Variants in HCN4 observed in about 807,000 individuals in gnomAD.
The protein encoded by HCN4 is hyperpolarization activated cyclic nucleotide gated potassium channel 4, also known as potassium/sodium hyperpolarization-activated cyclic nucleotide-gated channel 4.
HCN4 carries 29 observed loss-of-function variants against 76.9 expected under a neutral mutation model. That is an observed-to-expected ratio of 0.38 (90% CI 0.28 to 0.51). The LOEUF is 0.51. Among genes scored for constraint, HCN4 ranks in the 20% least tolerant of loss-of-function variants. The probability of loss-of-function intolerance (pLI) is 0.90; values close to 1 mark genes in which losing one functional copy is unlikely to be tolerated. For synonymous variants in HCN4, 772 were observed against 762.5 expected, an observed-to-expected ratio of 1.01 and a Z score of -0.21; for missense variants, 1,416 against 1,715.2, an observed-to-expected ratio of 0.83 and a Z score of 3.08.
rs75049740 is a variant in HCN4 at position 73,331,980 on chromosome 15, G to A, written c.1371+151C>T. On this transcript the variant is annotated intron_variant, in intron 3 of 7. Coordinates refer to ENST00000261917, the MANE Select transcript of HCN4 (RefSeq NM_005477.3). Reference sequence around the variant, plus strand: ...GGACTGGCAGCAAGCGATTGGGCCTGTACTGGGTAGAGCTATGTGCCCCCT... The same window carrying A: ...GGACTGGCAGCAAGCGATTGGGCCTATACTGGGTAGAGCTATGTGCCCCCT... 5.3e-4 allele frequency: 397 copies of A among 750,238 alleles called. 1 individual carries two copies. The African/African-American group carries it at 6.1e-3, about 12-fold the overall frequency. 46.5% of individuals were successfully genotyped at this position (750,238 alleles called of 1,614,324 possible). A position where few individuals can be genotyped will look rare whatever the true frequency, so the allele number is the denominator to read the frequency against.
chr15:73,357,739 C>T (rs1008682716), intron 1 of HCN4, among the ~76,000 whole-genome samples: 6 of 152,052 alleles, frequency 3.9e-5, no homozygotes, highest in East Asian at 1.9e-4. Context: ...TATGACACAA[C>T]GTGCCAGGAA....
Position 73,343,574 on chromosome 15 carries a change from G to A in HCN4, c.1020C>T (p.Ser340=), listed in dbSNP as rs1435371753. Residue 340 remains serine, a synonymous_variant, in exon 2 of 8, where the codon AGC becomes AGT. Transcript: ENST00000261917. The surrounding 1 kb of genome is among the most constrained non-coding windows in gnomAD (Gnocchi z 5.7). ...PQRIKMKYLK[S]WFMVDFISSI... Reference sequence around the variant, plus strand: ...AGGAAATGAAATCTACCATGAACCAGCTTTTCAGGTACTTCATTTTAATCC... The same window carrying A: ...AGGAAATGAAATCTACCATGAACCAACTTTTCAGGTACTTCATTTTAATCC... 1 of 1,614,208 alleles carries A rather than the reference G, an allele frequency of 6.2e-7. No homozygotes were observed. Among genetic ancestry groups the A allele is most frequent in the Non-Finnish European group, 8.5e-7 (1 of 1,180,036 alleles).
chr15:73,335,289 G>C (rs1320606461), intron 2 of HCN4: 1 of 152,408 alleles, frequency 6.6e-6, no homozygotes, highest in Non-Finnish European at 1.5e-5. Flanking sequence ...CGTGGGGGCA[G>C]GACAGCAGCC....
Position 73,325,334 on chromosome 15 carries a change from C to G in HCN4, c.1701G>C (p.Glu567Asp). ...GCTCGCTTAGCTCGCCCAGGATGCT[C>G]TCCTCGTCGAACATCTTGCCCTGGT... is the stretch of plus-strand genomic sequence containing the variant. ...HRYQGKMFDE[E>D]SILGELSEPL... The change falls in exon 5 of 8, where the codon GAG becomes GAC. Residue 567 changes from glutamate to aspartate, a missense_variant. This residue lies in a region of HCN4 where 241 missense variants were observed against 379.4 expected (regional missense o/e 0.64). Transcript: ENST00000261917. The surrounding 1 kb of genome is among the most constrained non-coding windows in gnomAD (Gnocchi z 7.4). 6.2e-7 allele frequency: 1 copy of G among 1,614,134 alleles called. No individual in the cohort carries two copies. Among genetic ancestry groups the G allele is most frequent in the African/African-American group, 1.3e-5 (1 of 75,060 alleles).
At chr15:73,333,355 T>C (rs1169087249) in intron 2 of HCN4, among the ~76,000 whole-genome samples, 1 of 152,172 alleles carries the variant, frequency 6.6e-6, no homozygotes, top group East Asian at 1.9e-4. Flanking sequence ...CATCCCTCCA[T>C]ACTATTCCCA....
At chr15:73,336,858 C>G (rs2042969224) in intron 2 of HCN4, among the ~76,000 whole-genome samples, 1 of 152,204 alleles carries the variant, frequency 6.6e-6, no homozygotes. Context: ...CCATGTCACT[C>G]TCTTACCATA....
chr15:73,359,154 G>A (rs550648262), intron 1 of HCN4, among the ~76,000 whole-genome samples: 2 of 152,316 alleles, frequency 1.3e-5, no homozygotes, highest in South Asian at 2.1e-4. Context: ...CGCAGCTGCC[G>A]TGATCAGACC....
Position 73,329,327 on chromosome 15 carries a change from C to T in HCN4, c.1590+246G>A, listed in dbSNP as rs370211917. 3.7e-4 allele frequency among the ~76,000 whole-genome samples: 57 copies of T among 152,260 alleles called. 2 individuals carry two copies. The South Asian group carries it at 0.011, about 29-fold the overall frequency. ...GGGCCTCAGCCAGGAGCCACAGGCC[C>T]CAGTGACACTGGAGACGGGGAAGGT... On this transcript the variant is annotated intron_variant, in intron 4 of 7. Transcript: ENST00000261917.
chr15:73,325,400 G>A lies in HCN4; in HGVS notation c.1635C>T (p.Pro545=), dbSNP rs140015730. The change falls in exon 5 of 8, where the codon CCC becomes CCT. Residue 545 remains proline, a synonymous_variant. Coordinates refer to ENST00000261917, the MANE Select transcript of HCN4 (RefSeq NM_005477.3). This position sits in a 1 kb window ranked among gnomAD's most constrained non-coding sequence, Gnocchi z 7.4. ...AGTCGTGGATGCGCTGCCGGGTGTC[G>A]GGCGGGAGCTTGTGAAAGGACATGT... The part of the protein sequence containing the change: ...EQYMSFHKLP[P]DTRQRIHDYY... The A allele has an allele frequency of 4.2e-5, 67 of 1,614,136 alleles. 3 individuals carry two copies. In the Admixed American group the frequency reaches 5.7e-4, roughly 14 times the overall value.
intron 1 of HCN4, among the ~76,000 whole-genome samples, chr15:73,351,978 C>A (rs569256593): frequency 5.9e-5 from 9 of 152,286 alleles, no homozygotes; most frequent in African/African-American, 9.6e-5. Flanking sequence ...CCACCTACCC[C>A]CCTTGGTTCA....
chr15:73,323,720 C>A lies in HCN4; in HGVS notation c.2373G>T (p.Val791=), dbSNP rs778370486. ...PLQAAAATTS[V]AIALTHHPRL... Reference sequence around the variant, plus strand: ...GAGGGTGGTGGGTGAGGGCTATGGCCACAGAAGTGGTGGCAGCGGCAGCCT... The same window carrying A: ...GAGGGTGGTGGGTGAGGGCTATGGCAACAGAAGTGGTGGCAGCGGCAGCCT... Residue 791 remains valine (V), a synonymous_variant, in exon 8 of 8, where the codon GTG becomes GTT. Coordinates refer to ENST00000261917, the MANE Select transcript of HCN4 (RefSeq NM_005477.3). 6.2e-7 allele frequency: 1 copy of A among 1,601,948 alleles called. No individual in the cohort carries two copies. The highest frequency in any genetic ancestry group is 1.7e-5 in the Admixed American group (1 of 59,666).
rs914385748 is a variant in HCN4, at chr15:73,368,753, C to T, written c.-483G>A. On this transcript the variant is annotated 5_prime_UTR_variant, in exon 1 of 8. Transcript: ENST00000261917. The surrounding 1 kb of genome is among the most constrained non-coding windows in gnomAD (Gnocchi z 6.9). ...CCGCCCGGGCTTTGTGGCTGGCCAC[C>T]CGCGAGCTCGCCTCGCCTCCTCTGC... is the stretch of plus-strand genomic sequence containing the variant. The T allele has an allele frequency of 1.3e-5, 2 of 152,142 alleles. No individual in the cohort carries two copies. The highest frequency in any genetic ancestry group is 2.4e-5 in the African/African-American group (1 of 41,438). The allele number at this position is 152,142 out of a possible 1,614,324, so 9.4% of individuals were successfully genotyped here. A position where few individuals can be genotyped will look rare whatever the true frequency, so the allele number is the denominator to read the frequency against.
intron 1 of HCN4, among the ~76,000 whole-genome samples, chr15:73,363,634 GA>G (rs1416830438): frequency 6.6e-6 from 1 of 152,170 alleles, no homozygotes; most frequent in Non-Finnish European, 1.5e-5. Flanking sequence ...CTTCTGGATG[GA>G]GTAAAATGTC....
chr15:73,334,569 C>T (rs1034505273), intron 2 of HCN4, among the ~76,000 whole-genome samples: 1 of 152,002 alleles, frequency 6.6e-6, no homozygotes, highest in African/African-American at 2.4e-5. Context: ...CTCCCCAGCT[C>T]ACCCAACCCC....
chr15:73,329,364 A>G (rs968327785), intron 4 of HCN4, among the ~76,000 whole-genome samples: 2 of 152,186 alleles, frequency 1.3e-5, no homozygotes, highest in African/African-American at 4.8e-5. Context: ...GGAACAGAAA[A>G]AAAGACATGT....
In HCN4 at chr15:73,368,295, G is replaced by C. The variant is rs776294538; in HGVS notation, c.-25C>G. The C allele has an allele frequency of 1.9e-5, 28 of 1,456,084 alleles. No individual in the cohort carries two copies. Among genetic ancestry groups the C allele is most frequent in the African/African-American group, 1.0e-4 (7 of 67,690 alleles). The allele number at this position is 1,456,084 out of a possible 1,614,324, so 90.2% of individuals were successfully genotyped here. ...TGGCGCCAGGGGCCGGGGTCGGACC[G>C]GGCCGGGGGCAGGAGCGCGGCGCCG... is the stretch of plus-strand genomic sequence containing the variant. On this transcript the variant is annotated 5_prime_UTR_variant, in exon 1 of 8. Transcript: ENST00000261917. The surrounding 1 kb of genome is among the most constrained non-coding windows in gnomAD (Gnocchi z 6.9).
At position 73,325,306 on chromosome 15, in the gene HCN4, G is replaced by A. The variant is rs1057523463; in HGVS notation, c.1729C>T (p.Leu577=). 1.4e-5 allele frequency: 23 copies of A among 1,613,868 alleles called. No individual in the cohort carries two copies. Among genetic ancestry groups the A allele is most frequent in the African/African-American group, 5.3e-5 (4 of 74,948 alleles). ...ESILGELSEP[L]REEIINFNCR... Reference sequence around the variant, plus strand: ...GCCGCCACACAGCTCACCTCCCGCAGGGGCTCGCTTAGCTCGCCCAGGATG... The same window carrying A: ...GCCGCCACACAGCTCACCTCCCGCAAGGGCTCGCTTAGCTCGCCCAGGATG... The change falls in exon 5 of 8, where the codon CTG becomes TTG. Residue 577 remains leucine (L), a synonymous_variant. Coordinates refer to ENST00000261917, the MANE Select transcript of HCN4 (RefSeq NM_005477.3). This position sits in a 1 kb window ranked among gnomAD's most constrained non-coding sequence, Gnocchi z 7.4.
At position 73,360,241 on chromosome 15, in the gene HCN4, G is replaced by A. The variant is rs76590678; in HGVS notation, c.785+7245C>T. 1.7e-3 allele frequency among the ~76,000 whole-genome samples: 266 copies of A among 152,322 alleles called. 1 individual carries two copies. Among genetic ancestry groups the A allele is most frequent in the African/African-American group, 6.2e-3 (257 of 41,566 alleles). On this transcript the variant is annotated intron_variant, in intron 1 of 7. Coordinates refer to ENST00000261917, the MANE Select transcript of HCN4 (RefSeq NM_005477.3). ...GAAAAGCCTTCCCTGTGAACCCTCTGGCTGGGAAGCTGGGGGTGGACTTAA... is the reference window on the plus strand; with the variant it reads ...GAAAAGCCTTCCCTGTGAACCCTCTAGCTGGGAAGCTGGGGGTGGACTTAA...
At position 73,322,033 on chromosome 15, in the gene HCN4, C is replaced by T. The variant is rs1339189016; in HGVS notation, c.*448G>A. ...CCCAAGGTCGCAGGCTTCTGAGGCT[C>T]CCCAGGGCACACCCCAGGGCAGCCC... On this transcript the variant is annotated 3_prime_UTR_variant, in exon 8 of 8. Coordinates refer to ENST00000261917, the MANE Select transcript of HCN4 (RefSeq NM_005477.3). 9.4e-6 allele frequency: 2 copies of T among 211,896 alleles called. No homozygotes were observed. The highest frequency in any genetic ancestry group is 2.5e-4 in the East Asian group (2 of 8,162). 13.1% of individuals were successfully genotyped at this position (211,896 alleles called of 1,614,324 possible).
Sources: gnomAD v4.1 joint callset for allele counts (sites outside exome capture counted in the v4.1 genomes callset) on GRCh38, gnomAD v4.1.1 for gene constraint, gnomAD v4.1.1 regional missense constraint, Gnocchi (gnomAD v3.1) non-coding constraint, MANE v1.5 for transcripts, NCBI Gene and HGNC (gene_info 2026-07-23, HGNC 2026-07-21) for gene names.